TAFA4: variants seen among roughly 807,000 people sequenced by gnomAD.
TAFA4 encodes the protein TAFA chemokine like family member 4, also known as chemokine-like protein TAFA-4.
TAFA4 carries 20 observed loss-of-function variants against 21.1 expected under a neutral mutation model. The ratio of observed to expected loss-of-function variants is 0.95; its 90% CI spans 0.67 to 1.38. TAFA4 has a LOEUF of 1.38. Among genes scored for constraint, TAFA4 ranks in the 40% most tolerant of loss-of-function variants. TAFA4 has a pLI of 0.00. For synonymous variants in TAFA4, 71 were observed against 67.4 expected (o/e 1.05, Z -0.26); for missense variants, 211 against 180.9 (o/e 1.17, Z -0.95).
intron 1 of TAFA4, among the ~76,000 whole-genome samples, chr3:68,912,428 T>A (rs1056977857): frequency 6.6e-6 from 1 of 152,202 alleles, no homozygotes; most frequent in Non-Finnish European, 1.5e-5. Flanking sequence ...GCTAATTAAA[T>A]GCAAAACAGG....
intron 3 of TAFA4, 93 bp downstream of exon 3, chr3:68,880,637 G>A (rs529389894): frequency 6.5e-5 from 64 of 988,324 alleles, no homozygotes; most frequent in Non-Finnish European, 9.2e-5. Flanking sequence ...ACCATCAGAA[G>A]CTCACATCAG....
intron 5 of TAFA4, among the ~76,000 whole-genome samples, chr3:68,733,712 T>C (rs188727428): frequency 1.0e-3 from 156 of 152,272 alleles, no homozygotes; most frequent in African/African-American, 3.6e-3. Flanking sequence ...AAATTTTACG[T>C]GTTTGTTAGT....
At chr3:68,845,528 A>G (rs1704767034) in intron 3 of TAFA4, among the ~76,000 whole-genome samples, 1 of 152,132 alleles carries the variant, frequency 6.6e-6, no homozygotes, top group South Asian at 2.1e-4. Flanking sequence ...ATTTAAGGTT[A>G]ATATTGTTAT....
chr3:68,751,215 C>T (rs1041127167), intron 4 of TAFA4, among the ~76,000 whole-genome samples: 4 of 152,080 alleles, frequency 2.6e-5, no homozygotes, highest in Admixed American at 6.6e-5. Context: ...TTGCAGGGCT[C>T]GGCAAGCCAT....
chr3:68,739,147 T>C lies in TAFA4; in HGVS notation c.339A>G (p.Gly113=), dbSNP rs960375712. 1.2e-6 allele frequency: 2 copies of C among 1,613,860 alleles called. No homozygotes were observed. Among genetic ancestry groups the C allele is most frequent in the African/African-American group, 2.7e-5 (2 of 74,904 alleles). The change falls in exon 5 of 6, where the codon GGA becomes GGG. Residue 113 remains glycine (G), a synonymous_variant. Transcript: ENST00000295569. ...WWCHMNPCLE[G]EDCKVLPDYS... is the part of the protein sequence containing the mutation. ...AATCTGGCAGCACTTTACAATCCTCTCCTTCCAAACACGGATTCATGTGAC... is the reference window on the plus strand; with the variant it reads ...AATCTGGCAGCACTTTACAATCCTCCCCTTCCAAACACGGATTCATGTGAC...
At chr3:68,767,611 G>T (rs1188781201) in intron 3 of TAFA4, among the ~76,000 whole-genome samples, 1 of 151,922 alleles carries the variant, frequency 6.6e-6, no homozygotes, top group African/African-American at 2.4e-5. Context: ...AGCAGTAATT[G>T]CAACTGAACA....
chr3:68,746,846 C>A (rs1481744301), intron 4 of TAFA4, among the ~76,000 whole-genome samples: 1 of 152,216 alleles, frequency 6.6e-6, no homozygotes, highest in African/African-American at 2.4e-5. Context: ...TTGGGAACCT[C>A]TAAGTCAGGG....
rs541908806 is a variant in TAFA4, at chr3:68,860,823, C to A, written c.130+19907G>T. 3.9e-5 allele frequency among the ~76,000 whole-genome samples: 6 copies of A among 152,184 alleles called. No individual in the cohort carries two copies. The East Asian group carries it at 1.2e-3, about 29-fold the overall frequency. On this transcript the variant is annotated intron_variant, in intron 3 of 5. Coordinates refer to ENST00000295569, the MANE Select transcript of TAFA4 (RefSeq NM_182522.5). Reference sequence around the variant, plus strand: ...TCAAGTCCACGTTACTTCTTTAACACGTAGGTCCCTAACCCAATAAGCTAA... The same window carrying A: ...TCAAGTCCACGTTACTTCTTTAACAAGTAGGTCCCTAACCCAATAAGCTAA...
intron 3 of TAFA4, among the ~76,000 whole-genome samples, chr3:68,774,944 A>C (rs1703022949): frequency 1.3e-5 from 2 of 152,232 alleles, no homozygotes; most frequent in Non-Finnish European, 2.9e-5. Flanking sequence ...AAAGCTGCAA[A>C]AAAGAAAGCT....
chr3:68,743,059 C>T (rs974995354), intron 4 of TAFA4, among the ~76,000 whole-genome samples: 18 of 152,148 alleles, frequency 1.2e-4, no homozygotes, highest in Admixed American at 7.9e-4. Flanking sequence ...CAAGTGGCCA[C>T]ATTGTACCCG....
At chr3:68,830,121 A>T (rs1222685967) in intron 3 of TAFA4, among the ~76,000 whole-genome samples, 1 of 151,984 alleles carries the variant, frequency 6.6e-6, no homozygotes, top group African/African-American at 2.4e-5. Context: ...AATTTTGTAG[A>T]TCTTTTCAAA....
intron 1 of TAFA4, among the ~76,000 whole-genome samples, chr3:68,916,628 A>G (rs931523770): frequency 1.3e-5 from 2 of 152,214 alleles, no homozygotes; most frequent in Non-Finnish European, 2.9e-5. Context: ...GCTTTGATAC[A>G]AAAATGTTGT....
At chr3:68,911,701 G>A (rs1200800172) in intron 1 of TAFA4, among the ~76,000 whole-genome samples, 1 of 152,154 alleles carries the variant, frequency 6.6e-6, no homozygotes, top group Non-Finnish European at 1.5e-5. Context: ...TAGCAGGGAG[G>A]GGATAAGGAG....
chr3:68,927,092 G>A (rs572190353), intron 1 of TAFA4, among the ~76,000 whole-genome samples: 2 of 152,030 alleles, frequency 1.3e-5, no homozygotes, highest in East Asian at 1.9e-4. Context: ...ACTCCTCTGG[G>A]GAGCAAAATT....
At chr3:68,813,110 A>T (rs1703878640) in intron 3 of TAFA4, among the ~76,000 whole-genome samples, 1 of 152,092 alleles carries the variant, frequency 6.6e-6, no homozygotes, top group Non-Finnish European at 1.5e-5. Flanking sequence ...AGAAATAAAG[A>T]TGTTCTTTGA....
chr3:68,914,290 G>T (rs2089984575), intron 1 of TAFA4, among the ~76,000 whole-genome samples: 1 of 152,112 alleles, frequency 6.6e-6, no homozygotes, highest in Non-Finnish European at 1.5e-5. Context: ...AGCTGTCAAA[G>T]AGAAAAAAGT....
intron 3 of TAFA4, among the ~76,000 whole-genome samples, chr3:68,753,348 T>G (rs1702596691): frequency 6.7e-6 from 1 of 149,866 alleles, no homozygotes; most frequent in African/African-American, 2.5e-5. Flanking sequence ...TTTTTTTTTT[T>G]TTTTTGAGAG....
chr3:68,758,660 A>G (rs555861929), intron 3 of TAFA4, among the ~76,000 whole-genome samples: 46 of 152,314 alleles, frequency 3.0e-4, no homozygotes, highest in African/African-American at 9.6e-4. Flanking sequence ...AAATACAACT[A>G]TGATCTTTGA....
At chr3:68,753,334 G>GTTTTTTT (rs4065540) in intron 3 of TAFA4, among the ~76,000 whole-genome samples, 12 of 114,476 alleles carry the variant, frequency 1.0e-4, no homozygotes, top group African/African-American at 3.8e-4. Flanking sequence ...GATTGATAGA[G>GTTTTTTT]TTTTTTTTTT....
Sources: allele counts gnomAD v4.1 joint callset (sites outside exome capture counted in the v4.1 genomes callset), GRCh38; gene constraint gnomAD v4.1.1; transcripts MANE v1.5; gene names NCBI Gene and HGNC (gene_info 2026-07-23, HGNC 2026-07-21).